The following PCNX2 variants were observed in gnomAD, a reference collection of about 807,000 sequenced individuals.
PCNX2 encodes the protein pecanex-like protein 2.
Under a neutral mutation model 223.8 loss-of-function variants are expected in PCNX2, and 168 were observed. The ratio of observed to expected loss-of-function variants is 0.75; its 90% CI spans 0.66 to 0.85. The LOEUF is 0.85. Among genes scored for constraint, PCNX2 ranks in the 40% least tolerant of loss-of-function variants. The probability of loss-of-function intolerance (pLI) is 0.00; values close to 1 mark genes in which losing one functional copy is unlikely to be tolerated. For missense variants in PCNX2, 2,507 were observed against 2,675.5 expected (o/e 0.94, Z 1.39); for synonymous variants, 1,006 against 1,052.6 (o/e 0.96, Z 0.86).
At chr1:233,314,075 A>G in the PCNX2 span, among the ~76,000 whole-genome samples, 1 of 152,238 alleles carries the variant, frequency 6.6e-6, no homozygotes, top group African/African-American at 2.4e-5. Context: ...GCAGGGCTGT[A>G]TGTGATAACA....
intron 15 of PCNX2, among the ~76,000 whole-genome samples, chr1:233,195,545 T>C (rs1680678063): frequency 6.6e-6 from 1 of 152,176 alleles, no homozygotes; most frequent in African/African-American, 2.4e-5. Context: ...CAATCTATGG[T>C]AGACAATCTT....
chr1:233,273,616 G>T (rs1408924134), intron 1 of PCNX2, among the ~76,000 whole-genome samples: 1 of 149,120 alleles, frequency 6.7e-6, no homozygotes, highest in Non-Finnish European at 1.5e-5. Context: ...CAATAAAAGA[G>T]AAGCTCTTTT....
intron 10 of PCNX2, among the ~76,000 whole-genome samples, chr1:233,218,530 G>C (rs576372278): frequency 1.3e-5 from 2 of 152,192 alleles, no homozygotes; most frequent in East Asian, 1.9e-4. Context: ...GATTACAGGC[G>C]TGAGCCACCG....
At chr1:233,276,196 T>C (rs1444866819) in intron 1 of PCNX2, among the ~76,000 whole-genome samples, 1 of 152,226 alleles carries the variant, frequency 6.6e-6, no homozygotes, top group Non-Finnish European at 1.5e-5. Context: ...GAGGATGTTA[T>C]ATTAAGTCAA....
chr1:233,000,261 G>C lies in PCNX2; in HGVS notation c.5328+44C>G, dbSNP rs889989050. On this transcript the variant is annotated intron_variant, in intron 30 of 33. Transcript: ENST00000258229. This position sits in a 1 kb window ranked among gnomAD's most constrained non-coding sequence, Gnocchi z 4.6. ...ACCATTCTATTTCTTCTCAGATAGAGAGACACGAGCCAACAGGGGACCCAG... is the reference window on the plus strand; with the variant it reads ...ACCATTCTATTTCTTCTCAGATAGACAGACACGAGCCAACAGGGGACCCAG... 6.4e-7 allele frequency: 1 copy of C among 1,564,672 alleles called. No homozygotes were observed. The highest frequency in any genetic ancestry group is 1.4e-5 in the African/African-American group (1 of 73,946).
intron 8 of PCNX2, among the ~76,000 whole-genome samples, chr1:233,243,204 C>G (rs1394258278): frequency 6.6e-6 from 1 of 152,178 alleles, no homozygotes; most frequent in African/African-American, 2.4e-5. Context: ...CCTATTCATA[C>G]TTGGGAGTCA....
At chr1:233,138,108 T>G (rs775466825) in intron 20 of PCNX2, among the ~76,000 whole-genome samples, 2 of 152,164 alleles carry the variant, frequency 1.3e-5, no homozygotes, top group Non-Finnish European at 2.9e-5. Context: ...ATTCTACAGA[T>G]GCATCAGGAA....
At position 233,209,999 on chromosome 1, in the gene PCNX2, C is replaced by T. The variant is rs140647245; in HGVS notation, c.2692-1310G>A. ...TCATTAAATAGCTACTTTCCACTTG[C>T]TCTGATTTTTTTTCTTTGATTAAAA... On this transcript the variant is annotated intron_variant, in intron 12 of 33. Coordinates refer to ENST00000258229, the MANE Select transcript of PCNX2 (RefSeq NM_014801.4). Among the ~76,000 whole-genome samples the T allele has an allele frequency of 9.9e-3, 1,504 of 152,202 alleles. 26 individuals are homozygous for T. The highest frequency in any genetic ancestry group is 0.035 in the African/African-American group (1,435 of 41,528).
intron 7 of PCNX2, 87 bp downstream of exon 7, chr1:233,252,267 G>C: frequency 7.0e-7 from 1 of 1,424,876 alleles, no homozygotes; most frequent in Non-Finnish European, 9.5e-7. Flanking sequence ...CTCAAGTCTA[G>C]TACTCATGCT....
intron 20 of PCNX2, 65 bp from the exon 21 acceptor site, chr1:233,135,255 C>A (rs1002439517): frequency 8.3e-6 from 12 of 1,450,562 alleles, no homozygotes; most frequent in African/African-American, 1.4e-5. Context: ...GAGTTTCATT[C>A]GCTAACAATT....
At chr1:233,050,895 A>G (rs1038650057) in intron 25 of PCNX2, among the ~76,000 whole-genome samples, 2 of 152,202 alleles carry the variant, frequency 1.3e-5, no homozygotes, top group African/African-American at 2.4e-5. Flanking sequence ...CAACCTACAG[A>G]ATGGGAGATA....
intron 23 of PCNX2, among the ~76,000 whole-genome samples, chr1:233,061,450 A>G (rs1428473169): frequency 6.6e-6 from 1 of 152,206 alleles, no homozygotes; most frequent in African/African-American, 2.4e-5. Flanking sequence ...ACTGCTGTAC[A>G]CCCATCAGGG....
Position 233,232,803 on chromosome 1 carries a change from G to A in PCNX2, c.2358+4042C>T, listed in dbSNP as rs1333123221. The A allele has an allele frequency of 3.0e-6, 3 of 985,018 alleles. No individual in the cohort carries two copies. The East Asian group carries it at 3.4e-4, about 112-fold the overall frequency. 61.0% of individuals were successfully genotyped at this position (985,018 alleles called of 1,614,324 possible). On this transcript the variant is annotated intron_variant, in intron 9 of 33. Transcript: ENST00000258229. The stretch of plus-strand genomic sequence containing the variant: ...CAGGCCTAGCACTGTGCTTATCTTT[G>A]CAATTCTCACCAATTCTCATCAGTT...
At chr1:233,033,016 C>A in intron 25 of PCNX2, 1 of 985,450 alleles carries the variant, frequency 1.0e-6, no homozygotes, top group Non-Finnish European at 1.2e-6. Context: ...CAGGAAGACT[C>A]AGAAGGTTCA....
At chr1:233,082,700 T>A (rs947707240) in intron 23 of PCNX2, among the ~76,000 whole-genome samples, 5 of 152,192 alleles carry the variant, frequency 3.3e-5, no homozygotes, top group African/African-American at 1.2e-4. Context: ...TTTGCAAAGA[T>A]CTTACAAGTC....
Position 233,011,134 on chromosome 1 carries a change from C to T in PCNX2, c.4952+3531G>A, listed in dbSNP as rs894492164. 4.6e-5 allele frequency among the ~76,000 whole-genome samples: 7 copies of T among 152,152 alleles called. 1 individual carries two copies. In the East Asian group the frequency reaches 1.3e-3, roughly 29 times the overall value. On this transcript the variant is annotated intron_variant, in intron 28 of 33. Transcript: ENST00000258229. Reference sequence around the variant, plus strand: ...ACAATTATGAGCCATTCTTACTTTGCACATGAATATAATCATACTAAAAGA... The same window carrying T: ...ACAATTATGAGCCATTCTTACTTTGTACATGAATATAATCATACTAAAAGA...
chr1:233,233,052 C>T, intron 9 of PCNX2: 2 of 983,330 alleles, frequency 2.0e-6, no homozygotes, highest in Non-Finnish European at 2.4e-6. Context: ...CTATGCTGCC[C>T]TTGGGTAGAC....
intron 8 of PCNX2, among the ~76,000 whole-genome samples, chr1:233,249,907 C>T (rs888311297): frequency 1.3e-5 from 2 of 152,156 alleles, no homozygotes; most frequent in Non-Finnish European, 1.5e-5. Flanking sequence ...CACACAGGAC[C>T]CCTCCCCCTG....
chr1:233,207,958 A>ATT (rs1395612620), intron 13 of PCNX2, among the ~76,000 whole-genome samples: 1 of 146,004 alleles, frequency 6.8e-6, no homozygotes, highest in Non-Finnish European at 1.5e-5. Flanking sequence ...ATGAGCATTT[A>ATT]TTTTTTTTTT....
Sources: allele counts gnomAD v4.1 joint callset (sites outside exome capture counted in the v4.1 genomes callset), GRCh38; gene constraint gnomAD v4.1.1; non-coding constraint Gnocchi (gnomAD v3.1); transcripts MANE v1.5; gene names NCBI Gene and HGNC (gene_info 2026-07-23, HGNC 2026-07-21).